Variants in LOC400499 observed in about 807,000 individuals in gnomAD.
chr16:11,510,976 G>A, the LOC400499 span, among the ~76,000 whole-genome samples: 2 of 151,176 alleles, frequency 1.3e-5, no homozygotes, highest in Non-Finnish European at 2.9e-5. Flanking sequence ...CGTGCCAGGT[G>A]CTTAGCTAAA....
At chr16:11,384,699 T>A in the LOC400499 span, among the ~76,000 whole-genome samples, 2 of 152,284 alleles carry the variant, frequency 1.3e-5, no homozygotes, top group East Asian at 3.9e-4. Context: ...CTCTGTGCGG[T>A]CATCTGGACA....
chr16:11,406,896 G>A, the LOC400499 span, among the ~76,000 whole-genome samples: 7 of 152,266 alleles, frequency 4.6e-5, no homozygotes, highest in South Asian at 2.1e-4. Context: ...GGCATATTTC[G>A]TTTGTGTGAT....
At chr16:11,441,167 G>A in the LOC400499 span, 3 of 398,154 alleles carry the variant, frequency 7.5e-6, no homozygotes, top group East Asian at 1.1e-4. Context: ...GTGGTCAGAA[G>A]AAAGTAGTCC....
chr16:11,470,129 T>G, the LOC400499 span, among the ~76,000 whole-genome samples: 1 of 152,152 alleles, frequency 6.6e-6, no homozygotes, highest in Non-Finnish European at 1.5e-5. Context: ...GCCAGGCTGG[T>G]CTTGAACTCC....
chr16:11,391,632 G>A, the LOC400499 span: 34 of 1,231,500 alleles, frequency 2.8e-5, no homozygotes, highest in South Asian at 8.2e-5. Flanking sequence ...ATTGATTTCC[G>A]CACAGGATTG....
the LOC400499 span, among the ~76,000 whole-genome samples, chr16:11,452,204 TG>T: frequency 0.043 from 2,677 of 61,872 alleles, 49 homozygotes; most frequent in Non-Finnish European, 0.097. Context: ...TTTTTTTGTT[TG>T]TTTTTTTTTT....
At chr16:11,427,751 G>C in the LOC400499 span, among the ~76,000 whole-genome samples, 1 of 152,172 alleles carries the variant, frequency 6.6e-6, no homozygotes, top group Non-Finnish European at 1.5e-5. Flanking sequence ...CAGCTGAGAT[G>C]TGCACATTTC....
At chr16:11,457,520 G>A in the LOC400499 span, among the ~76,000 whole-genome samples, 1 of 150,628 alleles carries the variant, frequency 6.6e-6, no homozygotes, top group East Asian at 2.0e-4. Flanking sequence ...GTGAATTCAG[G>A]AGGCAGAGCT....
At chr16:11,382,603 G>C in the LOC400499 span, among the ~76,000 whole-genome samples, 505 of 152,294 alleles carry the variant, frequency 3.3e-3, 3 homozygotes, top group African/African-American at 0.011. Context: ...TGTGAGAGCA[G>C]AGAGAAAACA....
At chr16:11,410,848 G>T in the LOC400499 span, among the ~76,000 whole-genome samples, 54 of 152,226 alleles carry the variant, frequency 3.5e-4, no homozygotes, top group African/African-American at 1.3e-3. Context: ...GGGCCCTCCT[G>T]TGCACTCCTA....
chr16:11,486,141 G>C, the LOC400499 span, among the ~76,000 whole-genome samples: 2 of 149,490 alleles, frequency 1.3e-5, no homozygotes, highest in South Asian at 2.1e-4. Context: ...TGGGTGGGTA[G>C]ACGAATGAAT....
the LOC400499 span, among the ~76,000 whole-genome samples, chr16:11,502,984 C>T: frequency 7.1e-6 from 1 of 140,254 alleles, no homozygotes; most frequent in Non-Finnish European, 1.5e-5. Context: ...TGCTGCAACA[C>T]AGTCACTTCT....
chr16:11,398,914 G>C, the LOC400499 span, among the ~76,000 whole-genome samples: 2,434 of 152,226 alleles, frequency 0.016, 69 homozygotes, highest in African/African-American at 0.055. Context: ...AAAGTGCTGG[G>C]ATTACAGGTG....
chr16:11,505,147 T>TAAA, the LOC400499 span, among the ~76,000 whole-genome samples: 2 of 135,712 alleles, frequency 1.5e-5, no homozygotes, highest in Non-Finnish European at 1.6e-5. Flanking sequence ...TGCAATGGCT[T>TAAA]AAAAAAAAAA....
At chr16:11,457,781 G>A in the LOC400499 span, among the ~76,000 whole-genome samples, 4 of 152,140 alleles carry the variant, frequency 2.6e-5, no homozygotes, top group African/African-American at 9.7e-5. Flanking sequence ...TCCATCAACA[G>A]ATGAACGGAT....
chr16:11,515,716 A>C, the LOC400499 span, among the ~76,000 whole-genome samples: 9 of 87,172 alleles, frequency 1.0e-4, no homozygotes, highest in East Asian at 2.4e-3. Context: ...AGGGAGGAGG[A>C]AGGAGGAGGA....
the LOC400499 span, chr16:11,435,685 C>G: frequency 3.0e-5 from 12 of 399,150 alleles, no homozygotes; most frequent in Admixed American, 1.3e-4. Flanking sequence ...TCTTTGCAGA[C>G]AGCTGCAGCC....
At chr16:11,379,010 C>T in the LOC400499 span, among the ~76,000 whole-genome samples, 2 of 152,128 alleles carry the variant, frequency 1.3e-5, no homozygotes, top group African/African-American at 4.8e-5. Context: ...AGGCCTGTAA[C>T]CCCAGCACTT....
At chr16:11,470,624 C>G in the LOC400499 span, 1 of 152,282 alleles carries the variant, frequency 6.6e-6, no homozygotes, top group African/African-American at 2.4e-5. Context: ...GAGATGTGTG[C>G]TGCTGCGTGG....
Sources: allele counts gnomAD v4.1 joint callset (sites outside exome capture counted in the v4.1 genomes callset), GRCh38; gene constraint gnomAD v4.1.1; transcripts MANE v1.5.